The following GPR89B variants were observed in gnomAD, a reference collection of about 807,000 sequenced individuals.
GPR89B encodes the protein G protein-coupled receptor 89B.
GPR89B carries 25 observed loss-of-function variants against 52.4 expected under a neutral mutation model. The ratio of observed to expected loss-of-function variants is 0.48; its 90% CI spans 0.35 to 0.67. The LOEUF (loss-of-function observed/expected upper bound fraction) is 0.67. GPR89B is among the 30% of genes least tolerant of loss of function. The pLI is 0.01. For synonymous variants in GPR89B, 52 were observed against 151.2 expected (o/e 0.34, Z 4.81); for missense variants, 146 against 450.2 (o/e 0.32, Z 6.11).
chr1:147,971,464 CTT>C (rs1196935183), intron 10 of GPR89B, among the ~76,000 whole-genome samples: 27 of 70,226 alleles, frequency 3.8e-4, no homozygotes, highest in African/African-American at 1.3e-3. Flanking sequence ...GGAAGCATGT[CTT>C]TTTTTTTTTT....
In GPR89B at chr1:147,928,529, A is replaced by G. The variant is rs782477855; in HGVS notation, c.-8A>G. On this transcript the variant is annotated 5_prime_UTR_variant, in exon 1 of 14. Coordinates refer to ENST00000314163, the MANE Select transcript of GPR89B (RefSeq NM_016334.5). The stretch of plus-strand genomic sequence containing the variant: ...AAGTGGAGGCAGGAGCCTTCCTTAC[A>G]CTTCGCCATGAGTTTCCTGATCGAC... The G allele has an allele frequency of 1.2e-6, 2 of 1,613,838 alleles. No individual in the cohort carries two copies. Among genetic ancestry groups the G allele is most frequent in the South Asian group, 2.2e-5 (2 of 91,080 alleles).
chr1:147,987,961 A>T (rs1658788593), intron 11 of GPR89B, among the ~76,000 whole-genome samples: 1 of 152,130 alleles, frequency 6.6e-6, no homozygotes, highest in East Asian at 1.9e-4. Flanking sequence ...TCAAGGTATT[A>T]TTTAGTTTCC....
the GPR89B span, among the ~76,000 whole-genome samples, chr1:148,002,656 T>C: frequency 3.3e-5 from 5 of 152,174 alleles, no homozygotes; most frequent in East Asian, 5.8e-4. Flanking sequence ...TTCTCCCTTA[T>C]ACTGCTCAAA....
intron 7 of GPR89B, among the ~76,000 whole-genome samples, chr1:147,966,245 T>C (rs1246997222): frequency 6.6e-6 from 1 of 152,024 alleles, no homozygotes; most frequent in Non-Finnish European, 1.5e-5. Context: ...ATATGTATTA[T>C]TTCATTTATC....
chr1:147,934,796 A>G (rs1553247584), intron 1 of GPR89B, among the ~76,000 whole-genome samples: 2 of 152,104 alleles, frequency 1.3e-5, no homozygotes, highest in Non-Finnish European at 2.9e-5. Context: ...GTGAGCTCCT[A>G]GAGGGTAGTA....
intron 10 of GPR89B, among the ~76,000 whole-genome samples, chr1:147,970,565 C>A (rs1225355911): frequency 9.8e-4 from 139 of 141,774 alleles, no homozygotes; most frequent in South Asian, 4.3e-3. Flanking sequence ...ATCTCTCTCT[C>A]TCTCTATATA....
At chr1:147,954,654 T>G (rs1371653316) in intron 7 of GPR89B, among the ~76,000 whole-genome samples, 2 of 152,282 alleles carry the variant, frequency 1.3e-5, no homozygotes, top group Non-Finnish European at 2.9e-5. Flanking sequence ...CCCACCCCTT[T>G]AAAATAACAA....
intron 5 of GPR89B, among the ~76,000 whole-genome samples, chr1:147,950,274 G>C (rs1199061947): frequency 3.3e-5 from 5 of 151,622 alleles, no homozygotes; most frequent in Admixed American, 3.3e-4. Context: ...GCCGGGTAGA[G>C]GTGCTCCTCA....
chr1:147,950,802 G>A (rs1212366599), intron 5 of GPR89B, among the ~76,000 whole-genome samples: 2 of 152,152 alleles, frequency 1.3e-5, no homozygotes, highest in East Asian at 1.9e-4. Context: ...GCGTGGTGGC[G>A]CACGCCTGCA....
At chr1:148,008,859 C>T in the GPR89B span, among the ~76,000 whole-genome samples, 67 of 152,230 alleles carry the variant, frequency 4.4e-4, no homozygotes, top group African/African-American at 1.6e-3. Flanking sequence ...GTAACAGTGC[C>T]TGGCACATCA....
At chr1:147,981,311 C>T (rs1159223854) in intron 10 of GPR89B, among the ~76,000 whole-genome samples, 1 of 143,476 alleles carries the variant, frequency 7.0e-6, no homozygotes, top group Non-Finnish European at 1.5e-5. Flanking sequence ...TTTACCCCTC[C>T]CTCCCCGACA....
chr1:147,982,769 C>G (rs1396919952), intron 10 of GPR89B, among the ~76,000 whole-genome samples: 137 of 149,028 alleles, frequency 9.2e-4, no homozygotes, highest in African/African-American at 3.4e-3. Flanking sequence ...TTGATTCTTC[C>G]TACCATGAGC....
At chr1:147,951,165 G>T (rs1297587585) in intron 5 of GPR89B, among the ~76,000 whole-genome samples, 3 of 151,428 alleles carry the variant, frequency 2.0e-5, no homozygotes, top group African/African-American at 7.3e-5. Flanking sequence ...CCTTTTATCT[G>T]TGTGGCCTTA....
At chr1:148,021,857 A>T in the GPR89B span, 2 of 147,608 alleles carry the variant, frequency 1.4e-5, no homozygotes, top group African/African-American at 5.1e-5. Flanking sequence ...CACTCTGAAG[A>T]GGAAAGCCCC....
chr1:147,981,393 T>A (rs1658242109), intron 10 of GPR89B, among the ~76,000 whole-genome samples: 2 of 149,086 alleles, frequency 1.3e-5, no homozygotes, highest in African/African-American at 5.0e-5. Context: ...CCCCAGCTAC[T>A]CGGGAGGCTG....
chr1:148,013,252 G>A, the GPR89B span, among the ~76,000 whole-genome samples: 1 of 152,056 alleles, frequency 6.6e-6, no homozygotes, highest in Admixed American at 6.5e-5. Flanking sequence ...TCCGCCAGGT[G>A]GGATGCTGCA....
chr1:148,000,564 C>T, the GPR89B span, among the ~76,000 whole-genome samples: 6 of 150,672 alleles, frequency 4.0e-5, no homozygotes, highest in East Asian at 2.0e-4. Context: ...CTCTAAGCTT[C>T]GGTTTCCTAA....
chr1:147,954,750 C>T (rs1655992554), intron 7 of GPR89B, among the ~76,000 whole-genome samples: 1 of 152,270 alleles, frequency 6.6e-6, no homozygotes, highest in Non-Finnish European at 1.5e-5. Flanking sequence ...GAATTTAGAT[C>T]ATTCTCCTTA....
chr1:147,966,484 A>C (rs1273134270), intron 7 of GPR89B, 70 bp from the exon 8 acceptor site: 1 of 123,510 alleles, frequency 8.1e-6, no homozygotes, highest in Non-Finnish European at 1.7e-5. Flanking sequence ...GTGAGACTGG[A>C]AAATGGATGG....
Sources: allele counts gnomAD v4.1 joint callset (sites outside exome capture counted in the v4.1 genomes callset), GRCh38; gene constraint gnomAD v4.1.1; transcripts MANE v1.5; gene names NCBI Gene and HGNC (gene_info 2026-07-23, HGNC 2026-07-21).